ZNF99: variants seen among roughly 807,000 people sequenced by gnomAD.
ZNF99 encodes the protein zinc finger protein ENSP00000375192.
ZNF99 carries 8 observed loss-of-function variants against 12.8 expected under a neutral mutation model. The ratio of observed to expected loss-of-function variants is 0.62; its 90% CI spans 0.37 to 1.13. The LOEUF is 1.13. Ranked by LOEUF, ZNF99 falls within the 50% of genes most tolerant of loss-of-function variation. The probability of loss-of-function intolerance (pLI) is 0.02; values close to 1 mark genes in which losing one functional copy is unlikely to be tolerated. For missense variants in ZNF99, 1,007 were observed against 1,006.2 expected (o/e 1.00, Z -0.01); for synonymous variants, 318 against 319.0 (o/e 1.00, Z 0.03).
At chr19:22,763,383 T>C (rs1419073478) in intron 3 of ZNF99, among the ~76,000 whole-genome samples, 3 of 149,198 alleles carry the variant, frequency 2.0e-5, no homozygotes, top group Non-Finnish European at 3.0e-5. Context: ...TCTTTTACAA[T>C]AGCTGTGAGA....
rs577414244 is a variant in ZNF99 at position 22,756,594 on chromosome 19, A to T, written c.*720T>A. The T allele has an allele frequency of 1.2e-6, 2 of 1,600,190 alleles. No individual in the cohort carries two copies. On this transcript the variant is annotated 3_prime_UTR_variant, in exon 4 of 4. Coordinates refer to ENST00000596209, the MANE Select transcript of ZNF99 (RefSeq NM_001080409.3). Reference sequence around the variant, plus strand: ...GTTTAGTAAGGTGTGAGGATTGCTTAAAAGCTTTGCCACATTCTTCACATT... The same window carrying T: ...GTTTAGTAAGGTGTGAGGATTGCTTTAAAGCTTTGCCACATTCTTCACATT...
chr19:22,778,028 G>T (rs1378782045), intron 1 of ZNF99, among the ~76,000 whole-genome samples: 2 of 108,318 alleles, frequency 1.8e-5, no homozygotes, highest in East Asian at 7.0e-4. Flanking sequence ...TGGGGGGAGG[G>T]GGGAGGGATA....
In ZNF99 at chr19:22,758,985, A is replaced by T; in HGVS notation, c.924T>A (p.Thr308=). The T allele has an allele frequency of 6.2e-7, 1 of 1,613,976 alleles. No individual in the cohort carries two copies. The highest frequency in any genetic ancestry group is 8.5e-7 in the Non-Finnish European group (1 of 1,179,926). ...SHLTRHKAIH[T]GEKPYKCEEC... ...CTTCGCATTTGTAGGGTTTCTCTCC[A>T]GTATGAATTGCTTTATGTCTAGTAA... Residue 308 remains threonine (T), a synonymous_variant, in exon 4 of 4, where the codon ACT becomes ACA. Transcript: ENST00000596209.
chr19:22,760,535 G>A (rs1250897033), intron 3 of ZNF99, among the ~76,000 whole-genome samples: 2 of 152,112 alleles, frequency 1.3e-5, no homozygotes, highest in African/African-American at 4.8e-5. Flanking sequence ...ACGAGGTCAG[G>A]AGATCGAGAC....
chr19:22,757,825 T>C lies in ZNF99; in HGVS notation c.2084A>G (p.His695Arg). ...TTTCTTTCCAGTATGAATTATCTTA[T>C]GTTTCCTAAGGGCTGAGAAATGGTT... ...AFNHFSALRK[H>R]KIIHTGKKPY... is the part of the protein sequence containing the mutation. The change falls in exon 4 of 4, where the codon CAT becomes CGT. Residue 695 changes from histidine to arginine, a missense_variant. His to Arg is a conservative substitution (Grantham distance 29). Coordinates refer to ENST00000596209, the MANE Select transcript of ZNF99 (RefSeq NM_001080409.3). The C allele has an allele frequency of 6.2e-7, 1 of 1,611,898 alleles. No individual in the cohort carries two copies. Among genetic ancestry groups the C allele is most frequent in the Non-Finnish European group, 8.5e-7 (1 of 1,178,678 alleles).
chr19:22,752,716 C>T lies in ZNF99; in HGVS notation c.*4598G>A, dbSNP rs1216782013. 6.6e-6 allele frequency: 1 copy of T among 151,814 alleles called. No homozygotes were observed. The highest frequency in any genetic ancestry group is 1.5e-5 in the Non-Finnish European group (1 of 67,928). 9.4% of individuals were successfully genotyped at this position (151,814 alleles called of 1,614,324 possible). On this transcript the variant is annotated 3_prime_UTR_variant, in exon 4 of 4. Transcript: ENST00000596209. Reference sequence around the variant, plus strand: ...TGAATGTACAACAGACTTAACATGTCAAAAAATGTTTAAAAAATTAAGTTT... The same window carrying T: ...TGAATGTACAACAGACTTAACATGTTAAAAAATGTTTAAAAAATTAAGTTT...
rs1973003901 is a variant in ZNF99, at chr19:22,753,711, TTG to T, written c.*3601_*3602del. ...CTCACAGTAATTGCATTTTTAATAT[TTG>T]TTTTAAGTATAAACTCTGTGATGTT... On this transcript the variant is annotated 3_prime_UTR_variant, in exon 4 of 4. Transcript: ENST00000596209. 1 of 157,162 alleles carries T rather than the reference TTG, an allele frequency of 6.4e-6. No homozygotes were observed. The allele number at this position is 157,162 out of a possible 1,614,324, so 9.7% of individuals were successfully genotyped here. A position where few individuals can be genotyped will look rare whatever the true frequency, so the allele number is the denominator to read the frequency against.
Position 22,754,391 on chromosome 19 carries a change from C to G in ZNF99, c.*2923G>C. On this transcript the variant is annotated 3_prime_UTR_variant, in exon 4 of 4. Coordinates refer to ENST00000596209, the MANE Select transcript of ZNF99 (RefSeq NM_001080409.3). ...CAAAAAAAAAAAAAAAACTTTGCCACATTCTTCACATTTGTAGAATTTCTC... is the reference window on the plus strand; with the variant it reads ...CAAAAAAAAAAAAAAAACTTTGCCAGATTCTTCACATTTGTAGAATTTCTC... 2.4e-6 allele frequency: 1 copy of G among 411,246 alleles called. No individual in the cohort carries two copies. Among genetic ancestry groups the G allele is most frequent in the Non-Finnish European group, 4.7e-6 (1 of 211,826 alleles). 25.5% of individuals were successfully genotyped at this position (411,246 alleles called of 1,614,324 possible). A position where few individuals can be genotyped will look rare whatever the true frequency, so the allele number is the denominator to read the frequency against.
Position 22,759,301 on chromosome 19 carries a change from C to G in ZNF99, c.608G>C (p.Cys203Ser), listed in dbSNP as rs1973123105. Reference sequence around the variant, plus strand: ...TTTAAAGGCTTTGCCACGTTCTTCACATTTGTAGATATTCTCTCTAGTATG... The same window carrying G: ...TTTAAAGGCTTTGCCACGTTCTTCAGATTTGTAGATATTCTCTCTAGTATG... ...RIHTRENIYK[C>S]EERGKAFKWF... The change falls in exon 4 of 4, where the codon TGT becomes TCT. Residue 203 changes from cysteine (C) to serine (S), a missense_variant. Physicochemically the swap from Cys to Ser is moderately radical, Grantham distance 112. Transcript: ENST00000596209. The G allele has an allele frequency of 1.3e-6, 2 of 1,549,658 alleles. No homozygotes were observed. Among genetic ancestry groups the G allele is most frequent in the Non-Finnish European group, 1.7e-6 (2 of 1,148,138 alleles).
intron 3 of ZNF99, among the ~76,000 whole-genome samples, chr19:22,760,117 GA>G (rs908724154): frequency 6.6e-6 from 1 of 152,066 alleles, no homozygotes; most frequent in African/African-American, 2.4e-5. Context: ...GGCCAAAATG[GA>G]AAAACTCCAT....
At chr19:22,774,967 C>G (rs145793428) in intron 1 of ZNF99, among the ~76,000 whole-genome samples, 2 of 152,148 alleles carry the variant, frequency 1.3e-5, no homozygotes, top group Non-Finnish European at 2.9e-5. Context: ...AGATCAAAAT[C>G]ATTAAAATGG....
rs1319727862 is a variant in ZNF99, at chr19:22,754,609, T to TGGTA, written c.*2701_*2704dup. 2.7e-6 allele frequency: 1 copy of TGGTA among 375,424 alleles called. No individual in the cohort carries two copies. The highest frequency in any genetic ancestry group is 5.2e-6 in the Non-Finnish European group (1 of 190,970). 23.3% of individuals were successfully genotyped at this position (375,424 alleles called of 1,614,324 possible). The stretch of plus-strand genomic sequence containing the variant: ...CTTCAGTATGAATTATCTTAATGTG[T>TGGTA]GGTAAGATGTGAGAAATGGTTACAG... On this transcript the variant is annotated 3_prime_UTR_variant, in exon 4 of 4. Transcript: ENST00000596209.
rs916767581 is a variant in ZNF99, at chr19:22,752,569, A to G, written c.*4745T>C. ...ATTTATTTGCAGGTTAAAGCCACTG[A>G]AAAAAAGAGATTACTAGAGATGTTA... is the stretch of plus-strand genomic sequence containing the variant. On this transcript the variant is annotated 3_prime_UTR_variant, in exon 4 of 4. Transcript: ENST00000596209. The G allele has an allele frequency of 2.0e-5, 3 of 150,814 alleles. No homozygotes were observed. Among genetic ancestry groups the G allele is most frequent in the Non-Finnish European group, 2.9e-5 (2 of 67,996 alleles). 9.3% of individuals were successfully genotyped at this position (150,814 alleles called of 1,614,324 possible).
intron 1 of ZNF99, 68 bp downstream of exon 1, chr19:22,783,946 A>C (rs149980214): frequency 6.2e-7 from 1 of 1,607,728 alleles, no homozygotes. Flanking sequence ...GAGTCCCGCC[A>C]CAGCCACTTT....
chr19:22,774,857 G>A lies in ZNF99; in HGVS notation c.4-5533C>T, dbSNP rs149823616. Among the ~76,000 whole-genome samples the A allele has an allele frequency of 6.8e-3, 1,029 of 152,076 alleles. 9 individuals are homozygous for A. The highest frequency in any genetic ancestry group is 0.022 in the African/African-American group (932 of 41,462). ...TGCACTCCAGCCTGGGCGACAGAGC[G>A]AGGATCTGACTCAAAATTAAAAAAA... is the stretch of plus-strand genomic sequence containing the variant. On this transcript the variant is annotated intron_variant, in intron 1 of 3. Transcript: ENST00000596209.
Position 22,758,498 on chromosome 19 carries a change from G to A in ZNF99, c.1411C>T (p.His471Tyr). The A allele has an allele frequency of 6.2e-7, 1 of 1,613,084 alleles. No individual in the cohort carries two copies. Among genetic ancestry groups the A allele is most frequent in the Non-Finnish European group, 8.5e-7 (1 of 1,179,648 alleles). The change falls in exon 4 of 4, where the codon CAT becomes TAT. Residue 471 changes from histidine (H) to tyrosine (Y), a missense_variant. His to Tyr is a moderately conservative substitution (Grantham distance 83). Transcript: ENST00000596209. Reference sequence around the variant, plus strand: ...TTCTCTCCAGTATGAATTATCTCATGTTTTCTAAGGGCTGAAAAATTGCTA... The same window carrying A: ...TTCTCTCCAGTATGAATTATCTCATATTTTCTAAGGGCTGAAAAATTGCTA... The part of the protein sequence containing the change: ...AFSNFSALRK[H>Y]EIIHTGEKPY...
Position 22,764,341 on chromosome 19 carries a change from G to A in ZNF99, c.226+3964C>T, listed in dbSNP as rs116992572. Among the ~76,000 whole-genome samples the A allele has an allele frequency of 7.5e-3, 1,141 of 152,234 alleles. 10 individuals carry two copies. The highest frequency in any genetic ancestry group is 0.026 in the African/African-American group (1,081 of 41,538). On this transcript the variant is annotated intron_variant, in intron 3 of 3. Coordinates refer to ENST00000596209, the MANE Select transcript of ZNF99 (RefSeq NM_001080409.3). ...AAGGACTTAAATCTAAGACCTGAAA[G>A]TATAAAAATTCTAGAACATTGGAAA... is the stretch of plus-strand genomic sequence containing the variant.
rs747683283 is a variant in ZNF99 at position 22,757,715 on chromosome 19, G to T, written c.2194C>A (p.Pro732Thr). ...KHEIIHTGEKPYKCEECGKAF... is the reference protein window; with the variant it reads ...KHEIIHTGEKTYKCEECGKAF... The stretch of plus-strand genomic sequence containing the variant: ...TTACCACATTCTTCACATTTGTAGG[G>T]TTTCTCTCCAGTATGAATTATCTCA... Residue 732 changes from proline to threonine, a missense_variant, in exon 4 of 4, where the codon CCC (proline) becomes ACC (threonine). Transcript: ENST00000596209. 5.0e-6 allele frequency: 8 copies of T among 1,610,324 alleles called. No homozygotes were observed. Among genetic ancestry groups the T allele is most frequent in the African/African-American group, 1.4e-5 (1 of 74,022 alleles).
Position 22,756,420 on chromosome 19 carries a change from A to C in ZNF99, c.*894T>G. ...ATTATCTTATGTTTAGTAAGGTTTG[A>C]GGACTAAATGCTTTACCACACTCTT... On this transcript the variant is annotated 3_prime_UTR_variant, in exon 4 of 4. Coordinates refer to ENST00000596209, the MANE Select transcript of ZNF99 (RefSeq NM_001080409.3). 6.3e-7 allele frequency: 1 copy of C among 1,589,334 alleles called. No individual in the cohort carries two copies. Among genetic ancestry groups the C allele is most frequent in the Non-Finnish European group, 8.6e-7 (1 of 1,169,534 alleles).
Sources: allele counts gnomAD v4.1 joint callset (sites outside exome capture counted in the v4.1 genomes callset), GRCh38; gene constraint gnomAD v4.1.1; transcripts MANE v1.5; gene names NCBI Gene and HGNC (gene_info 2026-07-23, HGNC 2026-07-21).